Variants in GALNTL6 observed in about 807,000 individuals in gnomAD.
GALNTL6 encodes the protein polypeptide N-acetylgalactosaminyltransferase-like 6.
GALNTL6 carries 46 observed loss-of-function variants against 73.7 expected under a neutral mutation model. That is an observed-to-expected ratio of 0.62 (90% CI 0.49 to 0.80). The LOEUF is 0.80. Among genes scored for constraint, GALNTL6 ranks in the 30% least tolerant of loss-of-function variants. The pLI is 0.00. For missense variants in GALNTL6, 604 were observed against 755.0 expected (o/e 0.80, Z 2.34); for synonymous variants, 259 against 263.7 (o/e 0.98, Z 0.17).
At chr4:172,123,947 T>A (rs1466782249) in intron 2 of GALNTL6, among the ~76,000 whole-genome samples, 1 of 152,224 alleles carries the variant, frequency 6.6e-6, no homozygotes, top group Non-Finnish European at 1.5e-5. Context: ...TCCTTTGACC[T>A]TAAAGTTACT....
intron 5 of GALNTL6, among the ~76,000 whole-genome samples, chr4:172,807,167 G>A (rs1405388592): frequency 6.6e-6 from 1 of 152,176 alleles, no homozygotes; most frequent in Non-Finnish European, 1.5e-5. Context: ...ACACAGTGGA[G>A]AAGGGAGGCC....
At chr4:171,992,528 A>G (rs879555116) in intron 2 of GALNTL6, among the ~76,000 whole-genome samples, 8 of 152,054 alleles carry the variant, frequency 5.3e-5, no homozygotes, top group African/African-American at 4.8e-5. Context: ...AGATCTTCTT[A>G]CTCTACCTAG....
intron 5 of GALNTL6, among the ~76,000 whole-genome samples, chr4:172,661,331 A>G (rs1427199430): frequency 3.9e-5 from 6 of 152,030 alleles, no homozygotes; most frequent in African/African-American, 4.8e-5. Context: ...CTGCTGGTCA[A>G]CTCCATCAGA....
chr4:172,419,632 A>G (rs1730980256), intron 5 of GALNTL6, among the ~76,000 whole-genome samples: 1 of 152,184 alleles, frequency 6.6e-6, no homozygotes, highest in Non-Finnish European at 1.5e-5. Flanking sequence ...AACAAAGAAG[A>G]GTTTATAGTA....
At position 172,430,617 on chromosome 4, in the gene GALNTL6, A is replaced by T. The variant is rs111786999; in HGVS notation, c.553+81928A>T. ...TTTAAAAAGAATAGGAGACATAATGAGATCGTATCTCTACCAAAAATTAAA... is the reference window on the plus strand; with the variant it reads ...TTTAAAAAGAATAGGAGACATAATGTGATCGTATCTCTACCAAAAATTAAA... On this transcript the variant is annotated intron_variant, in intron 5 of 12. Transcript: ENST00000506823. Among the ~76,000 whole-genome samples the T allele has an allele frequency of 8.6e-3, 1,305 of 152,238 alleles. 22 individuals carry two copies. The highest frequency in any genetic ancestry group is 0.027 in the African/African-American group (1,118 of 41,538).
chr4:172,532,247 T>C (rs1735193231), intron 5 of GALNTL6, among the ~76,000 whole-genome samples: 2 of 152,176 alleles, frequency 1.3e-5, no homozygotes, highest in Admixed American at 6.5e-5. Flanking sequence ...AATGTACTTA[T>C]AAGGACTGGT....
intron 5 of GALNTL6, among the ~76,000 whole-genome samples, chr4:172,642,690 A>T (rs1356086277): frequency 2.0e-5 from 3 of 151,974 alleles, no homozygotes; most frequent in Non-Finnish European, 4.4e-5. Context: ...ATATTTGAAA[A>T]TGGCTGAAAG....
intron 2 of GALNTL6, among the ~76,000 whole-genome samples, chr4:171,981,353 G>A (rs1739890908): frequency 6.6e-6 from 1 of 152,158 alleles, no homozygotes; most frequent in Non-Finnish European, 1.5e-5. Flanking sequence ...GCAATGGAAT[G>A]TGCATTTGTC....
chr4:172,841,891 C>T (rs977335527), intron 7 of GALNTL6, among the ~76,000 whole-genome samples: 5 of 152,196 alleles, frequency 3.3e-5, no homozygotes, highest in Admixed American at 6.5e-5. Flanking sequence ...ATCATTAATA[C>T]CTGCCATGGA....
chr4:172,733,269 G>T (rs1373619684), intron 5 of GALNTL6, among the ~76,000 whole-genome samples: 1 of 152,154 alleles, frequency 6.6e-6, no homozygotes, highest in Non-Finnish European at 1.5e-5. Context: ...AGCCAGTATG[G>T]TTTCTCTTGA....
chr4:172,559,256 G>T (rs961419885), intron 5 of GALNTL6, among the ~76,000 whole-genome samples: 1 of 151,566 alleles, frequency 6.6e-6, no homozygotes, highest in Non-Finnish European at 1.5e-5. Context: ...AGTAGAGACG[G>T]GGTTTCACCA....
At chr4:172,243,849 T>A (rs949670558) in intron 3 of GALNTL6, among the ~76,000 whole-genome samples, 4 of 152,142 alleles carry the variant, frequency 2.6e-5, no homozygotes, top group Non-Finnish European at 4.4e-5. Context: ...CTAAACAGAA[T>A]GAGAAGCAGA....
chr4:172,174,079 T>C (rs188225706), intron 2 of GALNTL6, among the ~76,000 whole-genome samples: 4 of 152,284 alleles, frequency 2.6e-5, no homozygotes, highest in Non-Finnish European at 5.9e-5. Flanking sequence ...AGCTGAAACA[T>C]AGAAAATGGA....
chr4:172,287,955 G>A (rs778093822), intron 3 of GALNTL6, among the ~76,000 whole-genome samples: 13 of 152,060 alleles, frequency 8.5e-5, no homozygotes, highest in African/African-American at 1.7e-4. Context: ...GAACTCCCTG[G>A]TATAACCTTG....
intron 6 of GALNTL6, among the ~76,000 whole-genome samples, chr4:172,810,615 C>A (rs1459980700): frequency 1.3e-5 from 2 of 152,110 alleles, no homozygotes; most frequent in Non-Finnish European, 2.9e-5. Flanking sequence ...GCGGGGAAAT[C>A]AATTGAAACT....
Position 172,727,106 on chromosome 4 carries a change from A to G in GALNTL6, c.554-82255A>G, listed in dbSNP as rs985075779. ...ATGAATATTTTTCTACCTTAATATT[A>G]AAGTTAATAAAATTGATAGTAAAAT... On this transcript the variant is annotated intron_variant, in intron 5 of 12. Transcript: ENST00000506823. 4.6e-5 allele frequency among the ~76,000 whole-genome samples: 7 copies of G among 152,258 alleles called. No homozygotes were observed. The East Asian group carries it at 1.2e-3, about 25-fold the overall frequency.
chr4:172,353,939 C>T (rs1228212599), intron 5 of GALNTL6, among the ~76,000 whole-genome samples: 5 of 152,038 alleles, frequency 3.3e-5, no homozygotes, highest in Non-Finnish European at 5.9e-5. Flanking sequence ...CAAATAGTCT[C>T]CAAGTATACA....
At chr4:172,784,389 C>G (rs1739538072) in intron 5 of GALNTL6, among the ~76,000 whole-genome samples, 1 of 152,042 alleles carries the variant, frequency 6.6e-6, no homozygotes, top group Non-Finnish European at 1.5e-5. Flanking sequence ...ACTTTTTCTT[C>G]CAAACCACAC....
intron 2 of GALNTL6, among the ~76,000 whole-genome samples, chr4:172,027,260 C>A (rs962361279): frequency 1.3e-5 from 2 of 152,110 alleles, no homozygotes; most frequent in Admixed American, 6.6e-5. Flanking sequence ...TTGCTGCAAC[C>A]CTGTGTGGAG....
Sources: allele counts gnomAD v4.1 joint callset (sites outside exome capture counted in the v4.1 genomes callset), GRCh38; gene constraint gnomAD v4.1.1; transcripts MANE v1.5; gene names NCBI Gene and HGNC (gene_info 2026-07-23, HGNC 2026-07-21).